Variants in BLTP1 observed in about 807,000 individuals in gnomAD.
The protein encoded by BLTP1 is fragile site-associated protein.
chr4:122,249,254 G>T, the BLTP1 span: 4 of 548,192 alleles, frequency 7.3e-6, no homozygotes, highest in African/African-American at 8.2e-5. Context: ...TAATCATTCA[G>T]AAACAAATTC....
At chr4:122,245,005 G>GT in the BLTP1 span, 4 of 1,602,394 alleles carry the variant, frequency 2.5e-6, no homozygotes, top group East Asian at 2.2e-5. Flanking sequence ...TTCATTTACT[G>GT]TTTTTTCCCC....
At chr4:122,329,558 G>A in the BLTP1 span, among the ~76,000 whole-genome samples, 4 of 144,468 alleles carry the variant, frequency 2.8e-5, no homozygotes, top group African/African-American at 5.1e-5. Flanking sequence ...TTTTTGTTTT[G>A]TCTTAACAGT....
At chr4:122,190,628 C>A in the BLTP1 span, 1 of 432,494 alleles carries the variant, frequency 2.3e-6, no homozygotes, top group Non-Finnish European at 3.1e-6. Context: ...CATAGATAAA[C>A]CTCAAAAATT....
the BLTP1 span, among the ~76,000 whole-genome samples, chr4:122,203,287 A>G: frequency 1.3e-5 from 2 of 151,902 alleles, no homozygotes; most frequent in Admixed American, 6.6e-5. Flanking sequence ...GCTTTATGAT[A>G]AATATAATAT....
the BLTP1 span, chr4:122,185,552 C>G: frequency 2.0e-6 from 1 of 502,016 alleles, no homozygotes; most frequent in Non-Finnish European, 2.6e-6. Context: ...GTCCACAGTT[C>G]ATAAAACCTA....
chr4:122,229,116 T>C, the BLTP1 span: 1 of 1,583,528 alleles, frequency 6.3e-7, no homozygotes. Context: ...CCTTTTTTAT[T>C]TTAGTTGAGT....
chr4:122,358,375 T>C, the BLTP1 span, among the ~76,000 whole-genome samples: 1 of 152,228 alleles, frequency 6.6e-6, no homozygotes, highest in African/African-American at 2.4e-5. Context: ...TAATATAAAC[T>C]GTTATAAAAC....
the BLTP1 span, among the ~76,000 whole-genome samples, chr4:122,232,695 A>C: frequency 6.6e-6 from 1 of 152,196 alleles, no homozygotes; most frequent in Non-Finnish European, 1.5e-5. Flanking sequence ...CACTGAACTT[A>C]GGGTATCTTA....
chr4:122,297,407 G>A, the BLTP1 span, among the ~76,000 whole-genome samples: 1 of 152,282 alleles, frequency 6.6e-6, no homozygotes, highest in East Asian at 1.9e-4. Context: ...AGAAACAACA[G>A]ATGCTGGCGA....
chr4:122,272,331 A>G, the BLTP1 span: 1 of 1,613,130 alleles, frequency 6.2e-7, no homozygotes, highest in Non-Finnish European at 8.5e-7. Flanking sequence ...CTAGAGGCAG[A>G]TATTGGTGGA....
At chr4:122,249,701 A>G in the BLTP1 span, 1 of 1,613,082 alleles carries the variant, frequency 6.2e-7, no homozygotes, top group Middle Eastern at 1.7e-4. Context: ...TTTTTATTGA[A>G]TTCTGCTTAA....
chr4:122,272,312 C>T, the BLTP1 span: 29 of 1,613,006 alleles, frequency 1.8e-5, no homozygotes, highest in East Asian at 1.3e-4. Flanking sequence ...CATGGTGAAC[C>T]GCACACACCT....
chr4:122,156,401 G>A, the BLTP1 span, among the ~76,000 whole-genome samples: 2 of 152,120 alleles, frequency 1.3e-5, no homozygotes, highest in African/African-American at 4.8e-5. Context: ...AGTAAGATTG[G>A]GTAAGAGAGT....
the BLTP1 span, among the ~76,000 whole-genome samples, chr4:122,299,524 T>C: frequency 6.6e-6 from 1 of 152,322 alleles, no homozygotes; most frequent in African/African-American, 2.4e-5. Flanking sequence ...CACCATCTGC[T>C]GCTGGATCAA....
At chr4:122,348,811 A>G in the BLTP1 span, 4 of 803,516 alleles carry the variant, frequency 5.0e-6, no homozygotes, top group Non-Finnish European at 7.7e-6. Context: ...TTTGAATGCT[A>G]AATATTTGAA....
the BLTP1 span, chr4:122,286,915 C>A: frequency 1.3e-6 from 1 of 764,706 alleles, no homozygotes; most frequent in Non-Finnish European, 2.1e-6. Context: ...CAGAAGAATT[C>A]TATACCAAAT....
At chr4:122,267,526 T>C in the BLTP1 span, 4 of 337,028 alleles carry the variant, frequency 1.2e-5, no homozygotes, top group Non-Finnish European at 1.7e-5. Flanking sequence ...TATATATTGA[T>C]ATATGCACTC....
the BLTP1 span, among the ~76,000 whole-genome samples, chr4:122,326,314 T>A: frequency 6.6e-6 from 1 of 151,784 alleles, no homozygotes; most frequent in African/African-American, 2.4e-5. Context: ...TTCTTTTGAG[T>A]CACTGGTGTA....
At chr4:122,183,022 G>C in the BLTP1 span, 1 of 984,836 alleles carries the variant, frequency 1.0e-6, no homozygotes, top group Non-Finnish European at 1.2e-6. Flanking sequence ...ATCAAATGAA[G>C]TAACTACTTT....
Sources: gnomAD v4.1 joint callset for allele counts (sites outside exome capture counted in the v4.1 genomes callset) on GRCh38, gnomAD v4.1.1 for gene constraint, MANE v1.5 for transcripts, NCBI Gene and HGNC (gene_info 2026-07-23, HGNC 2026-07-21) for gene names.